CDK15: variants seen among roughly 807,000 people sequenced by gnomAD.
CDK15 encodes the protein cyclin-dependent kinase 15.
Under a neutral mutation model 60.3 loss-of-function variants are expected in CDK15, and 62 were observed. That is an observed-to-expected ratio of 1.03 (90% CI 0.84 to 1.27). The LOEUF (loss-of-function observed/expected upper bound fraction) is 1.27. Ranked by LOEUF, CDK15 falls within the 50% of genes most tolerant of loss-of-function variation. The pLI, the probability that CDK15 is intolerant of heterozygous loss-of-function variation, is 0.00. For synonymous variants in CDK15, 194 were observed against 195.7 expected, an observed-to-expected ratio of 0.99 and a Z score of 0.07; for missense variants, 541 against 527.8, an observed-to-expected ratio of 1.03 and a Z score of -0.25.
chr2:201,808,169 A>G (rs1695601553), intron 3 of CDK15, among the ~76,000 whole-genome samples: 1 of 152,244 alleles, frequency 6.6e-6, no homozygotes. Flanking sequence ...TTAAATGTTT[A>G]TCAGCCTTTC....
intron 12 of CDK15, chr2:201,888,309 GAC>G: frequency 7.8e-7 from 1 of 1,273,998 alleles, no homozygotes; most frequent in Non-Finnish European, 1.0e-6. Flanking sequence ...AGACTAAAAA[GAC>G]AACTATCTCA....
intron 5 of CDK15, among the ~76,000 whole-genome samples, chr2:201,823,455 T>A (rs1019127731): frequency 2.6e-5 from 4 of 152,220 alleles, no homozygotes; most frequent in African/African-American, 9.6e-5. Flanking sequence ...AGAAACAGGC[T>A]TTGTTCTAAG....
rs1699697766 is a variant in CDK15 at position 201,893,465 on chromosome 2, G to A, written c.*198G>A. On this transcript the variant is annotated 3_prime_UTR_variant, in exon 14 of 14. Coordinates refer to ENST00000652192, the MANE Select transcript of CDK15 (RefSeq NM_001366386.2). ...CATAATAGTGGAAGAAAATTCAGTGGAAGGTTATTGCTATTGTCATTTGCA... is the reference window on the plus strand; with the variant it reads ...CATAATAGTGGAAGAAAATTCAGTGAAAGGTTATTGCTATTGTCATTTGCA... 3 of 152,198 alleles carry A rather than the reference G, an allele frequency of 2.0e-5. No individual in the cohort carries two copies. The South Asian group carries it at 6.2e-4, about 31-fold the overall frequency. 9.4% of individuals were successfully genotyped at this position (152,198 alleles called of 1,614,324 possible). A position where few individuals can be genotyped will look rare whatever the true frequency, so the allele number is the denominator to read the frequency against.
intron 3 of CDK15, among the ~76,000 whole-genome samples, chr2:201,812,173 C>CAAAAAAAAAAAAA (rs56808760): frequency 1.0e-5 from 1 of 96,814 alleles, no homozygotes; most frequent in Non-Finnish European, 2.2e-5. Flanking sequence ...GATTCTGTCT[C>CAAAAAAAAAAAAA]AAAAAAAAAA....
At chr2:201,869,405 G>A (rs1050878083) in intron 10 of CDK15, among the ~76,000 whole-genome samples, 5 of 152,024 alleles carry the variant, frequency 3.3e-5, no homozygotes, top group Non-Finnish European at 5.9e-5. Flanking sequence ...GGGAGGGATA[G>A]CATTAGGAGA....
intron 11 of CDK15, among the ~76,000 whole-genome samples, chr2:201,875,936 C>G (rs1367373553): frequency 6.6e-6 from 1 of 152,170 alleles, no homozygotes; most frequent in Admixed American, 6.6e-5. Flanking sequence ...TGAAATGTTA[C>G]TAGAAGGACT....
intron 3 of CDK15, among the ~76,000 whole-genome samples, chr2:201,811,456 A>G (rs1287758667): frequency 2.6e-5 from 4 of 152,160 alleles, no homozygotes; most frequent in African/African-American, 4.8e-5. Context: ...GGCCTGATGA[A>G]ATGTTAAATC....
chr2:201,869,199 A>G (rs1051002478), intron 10 of CDK15, among the ~76,000 whole-genome samples: 8 of 152,330 alleles, frequency 5.3e-5, no homozygotes, highest in Admixed American at 2.0e-4. Flanking sequence ...CTATGCAGCC[A>G]TAGAAAAGGA....
At chr2:201,842,883 C>T (rs1419203398) in intron 8 of CDK15, among the ~76,000 whole-genome samples, 3 of 151,556 alleles carry the variant, frequency 2.0e-5, no homozygotes, top group African/African-American at 7.3e-5. Flanking sequence ...ATTTCCCCTT[C>T]GTCTACACGG....
intron 10 of CDK15, 54 bp from the exon 11 acceptor site, chr2:201,872,224 C>A (rs1698872154): frequency 6.4e-7 from 1 of 1,562,934 alleles, no homozygotes; most frequent in Non-Finnish European, 8.8e-7. Flanking sequence ...GTATATTTGG[C>A]AACAGGGTTT....
intron 3 of CDK15, 40 bp downstream of exon 3, chr2:201,807,992 G>A (rs1381092814): frequency 2.6e-6 from 4 of 1,527,262 alleles, no homozygotes; most frequent in Non-Finnish European, 3.6e-6. Flanking sequence ...AGAGATGAGA[G>A]TCCCGCCCCC....
intron 12 of CDK15, chr2:201,888,585 T>G: frequency 1.4e-6 from 2 of 1,458,534 alleles, no homozygotes; most frequent in Admixed American, 5.8e-5. Flanking sequence ...TCGTTTTTTA[T>G]TTCCCTTTCT....
At chr2:201,846,492 A>C (rs1263036174) in intron 8 of CDK15, among the ~76,000 whole-genome samples, 1 of 77,184 alleles carries the variant, frequency 1.3e-5, no homozygotes, top group African/African-American at 8.9e-5. Context: ...GATTCCACCA[A>C]AAAAAAAAAA....
intron 11 of CDK15, among the ~76,000 whole-genome samples, chr2:201,879,153 G>C (rs944387458): frequency 6.6e-6 from 1 of 152,140 alleles, no homozygotes; most frequent in African/African-American, 2.4e-5. Context: ...TTGAGGATTT[G>C]TCCTTACTGT....
intron 11 of CDK15, among the ~76,000 whole-genome samples, chr2:201,876,341 G>T (rs2072504): frequency 6.6e-6 from 1 of 151,998 alleles, no homozygotes; most frequent in African/African-American, 2.4e-5. Flanking sequence ...TTGTTTTCCC[G>T]GGACTCTTTC....
intron 9 of CDK15, among the ~76,000 whole-genome samples, chr2:201,852,010 A>T (rs1176488328): frequency 6.6e-6 from 1 of 152,048 alleles, no homozygotes; most frequent in African/African-American, 2.4e-5. Context: ...TTCCTTATAT[A>T]TTTTTGATAT....
chr2:201,827,837 C>A (rs769040903), intron 6 of CDK15, among the ~76,000 whole-genome samples: 3 of 152,196 alleles, frequency 2.0e-5, no homozygotes, highest in Non-Finnish European at 4.4e-5. Context: ...CCTGACTCAA[C>A]AAGTCTGGGT....
At position 201,820,050 on chromosome 2, in the gene CDK15, G is replaced by A. The variant is rs151051183; in HGVS notation, c.449-2759G>A. On this transcript the variant is annotated intron_variant, in intron 4 of 13. Transcript: ENST00000652192. ...TCATGCCATCATGATTTAAAAAGAA[G>A]CATCTGGAGTTTTAGTAATATAGTT... Among the ~76,000 whole-genome samples, 59 of 152,250 alleles carry A rather than the reference G, an allele frequency of 3.9e-4. No individual in the cohort carries two copies. The East Asian group carries it at 0.011, about 29-fold the overall frequency.
At chr2:201,813,951 C>A (rs1695882722) in intron 4 of CDK15, among the ~76,000 whole-genome samples, 1 of 152,096 alleles carries the variant, frequency 6.6e-6, no homozygotes, top group Admixed American at 6.6e-5. Flanking sequence ...AACTAATGTA[C>A]TTATTAATGG....
Sources: allele counts gnomAD v4.1 joint callset (sites outside exome capture counted in the v4.1 genomes callset), GRCh38; gene constraint gnomAD v4.1.1; transcripts MANE v1.5; gene names NCBI Gene and HGNC (gene_info 2026-07-23, HGNC 2026-07-21).